MARCHF1: variants seen among roughly 807,000 people sequenced by gnomAD.
MARCHF1 encodes the protein membrane associated ring-CH-type finger 1.
MARCHF1 carries 40 observed loss-of-function variants against 54.2 expected under a neutral mutation model. That is an observed-to-expected ratio of 0.74 (90% confidence interval 0.57 to 0.96). MARCHF1 has a LOEUF of 0.96. Ranked by LOEUF, MARCHF1 falls within the 40% of genes least tolerant of loss-of-function variation. The pLI, the probability that MARCHF1 is intolerant of heterozygous loss-of-function variation, is 0.00. For missense variants in MARCHF1, 586 were observed against 656.5 expected, an observed-to-expected ratio of 0.89 and a Z score of 1.17; for synonymous variants, 236 against 236.3, an observed-to-expected ratio of 1.00 and a Z score of 0.01.
intron 3 of MARCHF1, among the ~76,000 whole-genome samples, chr4:163,918,501 T>C (rs964678215): frequency 6.6e-6 from 1 of 152,024 alleles, no homozygotes; most frequent in African/African-American, 2.4e-5. Context: ...AAAGAAGCAT[T>C]AATTGTGGAA....
intron 1 of MARCHF1, among the ~76,000 whole-genome samples, chr4:164,272,378 A>G (rs1215330690): frequency 6.6e-6 from 1 of 152,162 alleles, no homozygotes; most frequent in Non-Finnish European, 1.5e-5. Flanking sequence ...TCCAGCAAAA[A>G]AATAAGTAAA....
intron 1 of MARCHF1, among the ~76,000 whole-genome samples, chr4:164,349,458 C>T (rs1438182431): frequency 6.6e-6 from 1 of 152,142 alleles, no homozygotes; most frequent in Non-Finnish European, 1.5e-5. Flanking sequence ...CAATCCCATT[C>T]AGAACTATCA....
At chr4:164,045,745 TTCC>T (rs141279058) in intron 2 of MARCHF1, among the ~76,000 whole-genome samples, 12,435 of 150,812 alleles carry the variant, frequency 0.082, 625 homozygotes, top group South Asian at 0.21. Flanking sequence ...TGTAATACAC[TTCC>T]TCCTCCTGAT....
At position 164,346,332 on chromosome 4, in the gene MARCHF1, G is replaced by A. The variant is rs572308001; in HGVS notation, c.-323+37538C>T. ...GCAGAAGTCAAATGTTATTAAATAG[G>A]TAGAACCACTGACATGGTAAAAAGA... On this transcript the variant is annotated intron_variant, in intron 1 of 9. Transcript: ENST00000514618. Among the ~76,000 whole-genome samples, 25 of 152,174 alleles carry A rather than the reference G, an allele frequency of 1.6e-4. 1 individual carries two copies. In the South Asian group the frequency reaches 3.7e-3, roughly 23 times the overall value.
chr4:164,281,522 G>A (rs78238938), intron 1 of MARCHF1, among the ~76,000 whole-genome samples: 1 of 152,070 alleles, frequency 6.6e-6, no homozygotes, highest in Non-Finnish European at 1.5e-5. Context: ...CAAAAACAGA[G>A]GTGGCTGGAA....
At chr4:163,963,329 G>A (rs1376333042) in intron 3 of MARCHF1, among the ~76,000 whole-genome samples, 1 of 151,790 alleles carries the variant, frequency 6.6e-6, no homozygotes, top group East Asian at 1.9e-4. Flanking sequence ...AAAAATTCTT[G>A]TTGGTTTTTC....
At chr4:164,283,482 A>G (rs1165988081) in intron 1 of MARCHF1, among the ~76,000 whole-genome samples, 4 of 151,030 alleles carry the variant, frequency 2.6e-5, no homozygotes, top group Non-Finnish European at 5.9e-5. Flanking sequence ...AAAAGACAGT[A>G]ATACTCACTA....
chr4:164,360,899 T>C (rs1398997432), intron 1 of MARCHF1, among the ~76,000 whole-genome samples: 1 of 152,064 alleles, frequency 6.6e-6, no homozygotes, highest in African/African-American at 2.4e-5. Context: ...TCTATACTAT[T>C]TCTAAATTAT....
At chr4:163,553,366 A>G (rs887366955) in intron 8 of MARCHF1, among the ~76,000 whole-genome samples, 1 of 152,224 alleles carries the variant, frequency 6.6e-6, no homozygotes, top group Non-Finnish European at 1.5e-5. Flanking sequence ...TGAGGAATGA[A>G]GATGAGATTT....
At chr4:163,636,993 G>A (rs1398814426) in intron 5 of MARCHF1, among the ~76,000 whole-genome samples, 1 of 151,994 alleles carries the variant, frequency 6.6e-6, no homozygotes, top group Non-Finnish European at 1.5e-5. Context: ...CAAGCAATGG[G>A]GAAAGGATTC....
chr4:164,225,444 A>C (rs1275108974), intron 1 of MARCHF1, among the ~76,000 whole-genome samples: 1 of 151,818 alleles, frequency 6.6e-6, no homozygotes, highest in African/African-American at 2.4e-5. Flanking sequence ...TTTTTGGGGG[A>C]TGGGGTTGAG....
chr4:163,609,677 C>CAT (rs942084905), intron 7 of MARCHF1, among the ~76,000 whole-genome samples: 8 of 149,948 alleles, frequency 5.3e-5, no homozygotes, highest in African/African-American at 9.8e-5. Context: ...TATACACACA[C>CAT]ATATATATAT....
At chr4:163,831,414 T>G (rs1055498906) in intron 4 of MARCHF1, among the ~76,000 whole-genome samples, 1 of 152,144 alleles carries the variant, frequency 6.6e-6, no homozygotes, top group East Asian at 1.9e-4. Flanking sequence ...TGAGACCTTG[T>G]GTCTACAACA....
chr4:164,196,808 G>T (rs1731273398), intron 1 of MARCHF1, among the ~76,000 whole-genome samples: 1 of 151,884 alleles, frequency 6.6e-6, no homozygotes, highest in Admixed American at 6.6e-5. Context: ...ACCGCCTCCT[G>T]CCCTCCCTCC....
At chr4:164,095,843 A>G (rs1755399228) in intron 2 of MARCHF1, among the ~76,000 whole-genome samples, 1 of 152,144 alleles carries the variant, frequency 6.6e-6, no homozygotes, top group Non-Finnish European at 1.5e-5. Context: ...TCATCAGAGA[A>G]ATGCAAATCA....
chr4:163,679,744 C>G (rs1744036618), intron 5 of MARCHF1, among the ~76,000 whole-genome samples: 1 of 151,928 alleles, frequency 6.6e-6, no homozygotes, highest in East Asian at 1.9e-4. Flanking sequence ...TCCCGAGTAG[C>G]TGGGACTACG....
intron 4 of MARCHF1, among the ~76,000 whole-genome samples, chr4:163,790,801 C>G (rs1033770450): frequency 6.6e-5 from 10 of 151,958 alleles, no homozygotes; most frequent in Non-Finnish European, 1.0e-4. Flanking sequence ...GAGCTACATG[C>G]CCAGCAGTGG....
chr4:164,241,900 G>A (rs1035726553), intron 1 of MARCHF1, among the ~76,000 whole-genome samples: 3 of 152,192 alleles, frequency 2.0e-5, no homozygotes, highest in South Asian at 2.1e-4. Flanking sequence ...ACTCCCACCC[G>A]AATACTGCGC....
chr4:163,866,776 G>A (rs900269801), intron 3 of MARCHF1, among the ~76,000 whole-genome samples: 3 of 151,604 alleles, frequency 2.0e-5, no homozygotes, highest in Non-Finnish European at 4.4e-5. Context: ...ACTCAGGAAA[G>A]CACAGTACTT....
Sources: allele counts gnomAD v4.1 joint callset (sites outside exome capture counted in the v4.1 genomes callset), GRCh38; gene constraint gnomAD v4.1.1; transcripts MANE v1.5; gene names NCBI Gene and HGNC (gene_info 2026-07-23, HGNC 2026-07-21).